SLC25A17: variants seen among roughly 807,000 people sequenced by gnomAD.
The protein encoded by SLC25A17 is solute carrier family 25 member 17.
A neutral mutation model predicts 38.5 loss-of-function variants in SLC25A17; 26 were observed. That is an observed-to-expected ratio of 0.68 (90% confidence interval 0.50 to 0.94). The LOEUF (loss-of-function observed/expected upper bound fraction) is 0.94, where lower values mean the gene tolerates loss of function less well. SLC25A17 is among the 40% of genes least tolerant of loss of function. The pLI, the probability that SLC25A17 is intolerant of heterozygous loss-of-function variation, is 0.00. For synonymous variants in SLC25A17, 139 were observed against 136.2 expected (o/e 1.02, Z -0.14); for missense variants, 333 against 372.7 (o/e 0.89, Z 0.88).
At chr22:40,814,791 T>TATATATATATATATA (rs1568991013) in intron 1 of SLC25A17, among the ~76,000 whole-genome samples, 5 of 122,618 alleles carry the variant, frequency 4.1e-5, no homozygotes, top group African/African-American at 1.3e-4. Flanking sequence ...ATATATATAT[T>TATATATATATATATA]GTTGTTGTTG....
rs57313774 is a variant in SLC25A17 at position 40,782,221 on chromosome 22, A to AAACAACAACAACAAC, written c.335-3111_335-3097dup. On this transcript the variant is annotated intron_variant, in intron 4 of 8. Coordinates refer to ENST00000435456, the MANE Select transcript of SLC25A17 (RefSeq NM_006358.4). Reference sequence around the variant, plus strand: ...GGTGTCAGAGCGAGACCCCATCTCAAAACAACAACAACAACAACAACAACA... The same window carrying AAACAACAACAACAAC: ...GGTGTCAGAGCGAGACCCCATCTCAAAACAACAACAACAACAACAACAACAACAACAACAACAACA... Among the ~76,000 whole-genome samples the AAACAACAACAACAAC allele has an allele frequency of 1.3e-4, 20 of 150,010 alleles. 1 individual carries two copies. Among genetic ancestry groups the AAACAACAACAACAAC allele is most frequent in the South Asian group, 6.4e-4 (3 of 4,704 alleles).
chr22:40,801,964 G>T (rs1445146348), intron 1 of SLC25A17, among the ~76,000 whole-genome samples: 1 of 152,018 alleles, frequency 6.6e-6, no homozygotes, highest in Non-Finnish European at 1.5e-5. Flanking sequence ...CTAATTTTTT[G>T]TATTTTTAGT....
intron 7 of SLC25A17, chr22:40,776,066 C>T: frequency 3.7e-6 from 1 of 273,670 alleles, no homozygotes; most frequent in South Asian, 3.6e-5. Context: ...AATATTCCTT[C>T]TCAAAGAAGC....
chr22:40,815,161 C>T (rs758417789), intron 1 of SLC25A17, among the ~76,000 whole-genome samples: 1 of 152,068 alleles, frequency 6.6e-6, no homozygotes, highest in Non-Finnish European at 1.5e-5. Flanking sequence ...GGAAAGAGAA[C>T]AGGCAGAGGC....
intron 6 of SLC25A17, 42 bp downstream of exon 6, chr22:40,777,186 G>A (rs370853145): frequency 2.5e-6 from 4 of 1,613,494 alleles, no homozygotes; most frequent in Middle Eastern, 3.3e-4. Context: ...ACAAGAAGGT[G>A]TCAGACAGAA....
chr22:40,815,279 A>T (rs1053833745), intron 1 of SLC25A17, among the ~76,000 whole-genome samples: 9 of 152,344 alleles, frequency 5.9e-5, no homozygotes, highest in African/African-American at 2.2e-4. Flanking sequence ...AAGCTATAGG[A>T]AAGAGATGAA....
At chr22:40,784,543 C>A in intron 4 of SLC25A17, 1 of 270,818 alleles carries the variant, frequency 3.7e-6, no homozygotes, top group Non-Finnish European at 8.1e-6. Flanking sequence ...AAGGTCGAGG[C>A]AGAAGAATCT....
chr22:40,801,984 G>A (rs2057488593), intron 1 of SLC25A17, among the ~76,000 whole-genome samples: 1 of 152,072 alleles, frequency 6.6e-6, no homozygotes, highest in South Asian at 2.1e-4. Context: ...TGGAGACGGG[G>A]TTTCATCATG....
intron 8 of SLC25A17, 119 bp downstream of exon 8, chr22:40,773,818 A>G: frequency 1.4e-6 from 1 of 740,292 alleles, no homozygotes; most frequent in Non-Finnish European, 2.4e-6. Context: ...CAAGCAAGGG[A>G]AAGGTTTTGG....
At chr22:40,807,550 C>A (rs1446787434) in intron 1 of SLC25A17, among the ~76,000 whole-genome samples, 1 of 152,134 alleles carries the variant, frequency 6.6e-6, no homozygotes, top group Non-Finnish European at 1.5e-5. Flanking sequence ...GATATCGAGA[C>A]CATCTTGGCT....
At chr22:40,794,687 T>C in intron 2 of SLC25A17, 107 bp from the exon 3 acceptor site, 1 of 491,450 alleles carries the variant, frequency 2.0e-6, no homozygotes, top group Non-Finnish European at 3.6e-6. Flanking sequence ...TGGCGTGATC[T>C]CAGCTCACTG....
chr22:40,781,487 C>G (rs997666212), intron 4 of SLC25A17, among the ~76,000 whole-genome samples: 4 of 152,034 alleles, frequency 2.6e-5, no homozygotes, highest in African/African-American at 9.7e-5. Flanking sequence ...CCTCGTGATC[C>G]GCCCGCCTCG....
In SLC25A17 at chr22:40,779,290, A is replaced by G. The variant is rs527759471; in HGVS notation, c.335-165T>C. On this transcript the variant is annotated intron_variant, in intron 4 of 8. Coordinates refer to ENST00000435456, the MANE Select transcript of SLC25A17 (RefSeq NM_006358.4). ...GTGCCAGGGTACAACACAAGCCACT[A>G]CTGTTAGAAGCGATTTGGAAGCTTT... The G allele has an allele frequency of 1.7e-5, 25 of 1,479,718 alleles. No individual in the cohort carries two copies. In the East Asian group the frequency reaches 3.5e-4, roughly 21 times the overall value. 91.7% of individuals were successfully genotyped at this position (1,479,718 alleles called of 1,614,324 possible). A position where few individuals can be genotyped will look rare whatever the true frequency, so the allele number is the denominator to read the frequency against.
chr22:40,808,591 G>A (rs1456178992), intron 1 of SLC25A17, among the ~76,000 whole-genome samples: 1 of 152,240 alleles, frequency 6.6e-6, no homozygotes, highest in Non-Finnish European at 1.5e-5. Context: ...ATGATTATAT[G>A]GGAAGGGAGG....
chr22:40,771,620 A>C (rs1294137683), intron 8 of SLC25A17, among the ~76,000 whole-genome samples: 1 of 152,184 alleles, frequency 6.6e-6, no homozygotes, highest in Non-Finnish European at 1.5e-5. Context: ...AAAGACAAAT[A>C]TCGCATGTTC....
At chr22:40,818,362 A>C (rs1159103373) in intron 1 of SLC25A17, among the ~76,000 whole-genome samples, 3 of 152,198 alleles carry the variant, frequency 2.0e-5, no homozygotes, top group Non-Finnish European at 4.4e-5. Context: ...CCAAGAATCA[A>C]GCGTATACCT....
At chr22:40,784,784 C>CAAAAAAAAAA (rs71200616) in intron 4 of SLC25A17, among the ~76,000 whole-genome samples, 132 of 96,118 alleles carry the variant, frequency 1.4e-3, no homozygotes, top group East Asian at 2.1e-3. Flanking sequence ...TCAACAACAA[C>CAAAAAAAAAA]AAAAAAAAAA....
At chr22:40,784,660 G>A in intron 4 of SLC25A17, 1 of 160,578 alleles carries the variant, frequency 6.2e-6, no homozygotes, top group South Asian at 1.4e-4. Context: ...TGTAGTCCTA[G>A]CTACTGGGGA....
chr22:40,773,873 C>A (rs184197850), intron 8 of SLC25A17, 64 bp downstream of exon 8: 13 of 1,135,862 alleles, frequency 1.1e-5, no homozygotes, highest in African/African-American at 9.1e-5. Flanking sequence ...GGAAATGCAA[C>A]CCCTCCCTGG....
Sources: gnomAD v4.1 joint callset for allele counts (sites outside exome capture counted in the v4.1 genomes callset) on GRCh38, gnomAD v4.1.1 for gene constraint, MANE v1.5 for transcripts, NCBI Gene and HGNC (gene_info 2026-07-23, HGNC 2026-07-21) for gene names.